SCN11A: variants seen among roughly 807,000 people sequenced by gnomAD.
The protein encoded by SCN11A is sodium channel protein type 11 subunit alpha.
SCN11A carries 122 observed loss-of-function variants against 162.2 expected under a neutral mutation model. The ratio of observed to expected loss-of-function variants is 0.75; its 90% CI spans 0.65 to 0.87. The LOEUF is 0.87. SCN11A is among the 40% of genes least tolerant of loss of function. SCN11A has a pLI of 0.00. For missense variants in SCN11A, 2,015 were observed against 2,181.6 expected (o/e 0.92, Z 1.52); for synonymous variants, 758 against 751.5 (o/e 1.01, Z -0.14).
chr3:38,965,233 C>T (rs1035140616), intron 2 of SCN11A, among the ~76,000 whole-genome samples: 4 of 152,186 alleles, frequency 2.6e-5, no homozygotes, highest in Admixed American at 6.6e-5. Context: ...TAAAACAGTG[C>T]ATGTCACTTA....
At chr3:38,935,338 C>T (rs547589450) in intron 7 of SCN11A, among the ~76,000 whole-genome samples, 14 of 152,184 alleles carry the variant, frequency 9.2e-5, no homozygotes, top group African/African-American at 3.1e-4. Context: ...AGAGCAAACA[C>T]ATTCAAAAGC....
intron 22 of SCN11A, among the ~76,000 whole-genome samples, chr3:38,880,693 C>T (rs1394299818): frequency 1.3e-5 from 2 of 152,124 alleles, no homozygotes; most frequent in Non-Finnish European, 2.9e-5. Context: ...ATGACATTAA[C>T]AAAATTTGGA....
At chr3:38,966,404 G>A (rs1156526923) in intron 2 of SCN11A, among the ~76,000 whole-genome samples, 1 of 152,118 alleles carries the variant, frequency 6.6e-6, no homozygotes, top group Non-Finnish European at 1.5e-5. Flanking sequence ...GTAATTTGAG[G>A]TAGGAGTATT....
intron 28 of SCN11A, among the ~76,000 whole-genome samples, chr3:38,861,286 A>G (rs2064959522): frequency 6.6e-6 from 1 of 152,212 alleles, no homozygotes; most frequent in African/African-American, 2.4e-5. Context: ...ATGGATAGGT[A>G]GAATTAACAT....
intron 7 of SCN11A, among the ~76,000 whole-genome samples, chr3:38,931,341 T>C (rs557927067): frequency 6.6e-6 from 1 of 152,052 alleles, no homozygotes; most frequent in Admixed American, 6.5e-5. Flanking sequence ...TCCAGAGACA[T>C]ATAGACCAAA....
chr3:38,970,480 T>G (rs80125736), intron 2 of SCN11A, among the ~76,000 whole-genome samples: 9,480 of 152,326 alleles, frequency 0.062, 331 homozygotes, highest in Middle Eastern at 0.092. Context: ...TCTTTTAGTT[T>G]GCTGTCAATT....
chr3:39,039,412 T>G (rs952681044), intron 1 of SCN11A, among the ~76,000 whole-genome samples: 5 of 152,180 alleles, frequency 3.3e-5, no homozygotes, highest in African/African-American at 1.2e-4. Flanking sequence ...GGACCTAAGC[T>G]GTCACGGCAT....
chr3:38,926,727 A>G (rs1321181129), intron 8 of SCN11A, 76 bp downstream of exon 8: 1 of 1,468,896 alleles, frequency 6.8e-7, no homozygotes, highest in Non-Finnish European at 9.4e-7. Flanking sequence ...AAATGGATCC[A>G]CACAGAGCTC....
At chr3:38,948,199 C>T (rs2066547311) in intron 5 of SCN11A, among the ~76,000 whole-genome samples, 1 of 152,188 alleles carries the variant, frequency 6.6e-6, no homozygotes, top group Non-Finnish European at 1.5e-5. Context: ...CTGCGCCTTT[C>T]CTTTGAACAG....
chr3:39,026,100 TTA>T (rs1467075675), intron 2 of SCN11A: 10 of 150,684 alleles, frequency 6.6e-5, no homozygotes, highest in African/African-American at 1.0e-4. Context: ...TTTTATTACA[TTA>T]TGTGTCAATT....
chr3:38,935,897 C>G (rs1040155043), intron 7 of SCN11A, among the ~76,000 whole-genome samples: 1 of 152,156 alleles, frequency 6.6e-6, no homozygotes, highest in Non-Finnish European at 1.5e-5. Context: ...GATACCAAAG[C>G]CAGGCAGAGA....
intron 7 of SCN11A, among the ~76,000 whole-genome samples, chr3:38,931,327 A>C (rs1422160649): frequency 6.6e-6 from 1 of 152,216 alleles, no homozygotes; most frequent in Non-Finnish European, 1.5e-5. Context: ...AGGGAGAAGA[A>C]TTCTCCAGAG....
At position 38,847,851 on chromosome 3, in the gene SCN11A, T is replaced by C. The variant is rs1575202195; in HGVS notation, c.4328-109A>G. ...GGGGGCCAACTTTTTATCAATACTT[T>C]GTAGCTTATGTACAAAACTAAGAAT... On this transcript the variant is annotated intron_variant, in intron 29 of 29. Transcript: ENST00000302328. 7 of 620,172 alleles carry C rather than the reference T, an allele frequency of 1.1e-5. No individual in the cohort carries two copies. In the South Asian group the frequency reaches 1.3e-4, roughly 11 times the overall value. 38.4% of individuals were successfully genotyped at this position (620,172 alleles called of 1,614,324 possible).
At chr3:39,011,510 T>A (rs1376116236) in intron 2 of SCN11A, among the ~76,000 whole-genome samples, 1 of 152,234 alleles carries the variant, frequency 6.6e-6, no homozygotes, top group Non-Finnish European at 1.5e-5. Context: ...TGCCAGCAGA[T>A]GGCATTTTCC....
intron 2 of SCN11A, among the ~76,000 whole-genome samples, chr3:39,029,641 T>C (rs115793398): frequency 1.3e-3 from 194 of 152,332 alleles, no homozygotes; most frequent in African/African-American, 4.2e-3. Flanking sequence ...TCTCCTGTCT[T>C]CCAGATGTTA....
intron 23 of SCN11A, among the ~76,000 whole-genome samples, chr3:38,876,312 A>G (rs1012782976): frequency 2.6e-5 from 4 of 152,302 alleles, no homozygotes; most frequent in African/African-American, 7.2e-5. Context: ...CAAAGACTTC[A>G]TGACCAAGAA....
chr3:38,885,182 A>G, intron 21 of SCN11A, 106 bp downstream of exon 21: 1 of 681,748 alleles, frequency 1.5e-6, no homozygotes. Context: ...TTTTGTCTCC[A>G]ATAGAAGTAG....
chr3:38,982,833 T>C (rs1348068463), intron 2 of SCN11A, among the ~76,000 whole-genome samples: 1 of 152,146 alleles, frequency 6.6e-6, no homozygotes, highest in Non-Finnish European at 1.5e-5. Context: ...CCAATAAATG[T>C]GATCTTGGGG....
rs1377287456 is a variant in SCN11A, at chr3:38,896,986, G to A, written c.2262C>T (p.Phe754=). 6.2e-7 allele frequency: 1 copy of A among 1,614,150 alleles called. No individual in the cohort carries two copies. Among genetic ancestry groups the A allele is most frequent in the East Asian group, 2.2e-5 (1 of 44,880 alleles). ...GGAATACCACTAGGAAGGAGTGCCA[G>A]AAATCCCCCATGTGCCAGTGCCGTA... The part of the protein sequence containing the change: ...SCLRHWHMGD[F]WHSFLVVFRI... The change falls in exon 18 of 30, where the codon TTC becomes TTT. Residue 754 remains phenylalanine, a synonymous_variant. Coordinates refer to ENST00000302328, the MANE Select transcript of SCN11A (RefSeq NM_001349253.2).
Sources: allele counts gnomAD v4.1 joint callset (sites outside exome capture counted in the v4.1 genomes callset), GRCh38; gene constraint gnomAD v4.1.1; transcripts MANE v1.5; gene names NCBI Gene and HGNC (gene_info 2026-07-23, HGNC 2026-07-21).